Variants in SEMA3C observed in about 807,000 individuals in gnomAD.
The protein encoded by SEMA3C is semaphorin-3C.
In SEMA3C, 47 loss-of-function variants were observed where a neutral mutation model predicts 89.4. The observed-to-expected ratio is 0.53, with a 90% CI of 0.42 to 0.67. SEMA3C has a LOEUF of 0.67. Among genes scored for constraint, SEMA3C ranks in the 30% least tolerant of loss-of-function variants. The pLI is 0.00. For missense variants in SEMA3C, 839 were observed against 929.1 expected, an observed-to-expected ratio of 0.90 and a Z score of 1.26; for synonymous variants, 310 against 320.2, an observed-to-expected ratio of 0.97 and a Z score of 0.34.
At chr7:80,807,397 CATCTAATTGGCTTCATTTCCT>C (rs1174800299) in intron 6 of SEMA3C, among the ~76,000 whole-genome samples, 2 of 152,176 alleles carry the variant, frequency 1.3e-5, no homozygotes, top group African/African-American at 4.8e-5. Context: ...TAAGCCTGCA[CATCTAATTGGCTTCATTTCCT>C]ATCTTAAATT....
chr7:80,843,190 T>C (rs915350875), intron 2 of SEMA3C, among the ~76,000 whole-genome samples: 78 of 152,256 alleles, frequency 5.1e-4, no homozygotes, highest in African/African-American at 1.7e-3. Flanking sequence ...TCAAAGTAGC[T>C]AGAAGAGAGG....
At chr7:80,869,479 C>G (rs991129794) in intron 2 of SEMA3C, among the ~76,000 whole-genome samples, 1 of 152,056 alleles carries the variant, frequency 6.6e-6, no homozygotes, top group Admixed American at 6.6e-5. Context: ...GTTTGTCTAC[C>G]CAACCCCATT....
intron 2 of SEMA3C, among the ~76,000 whole-genome samples, chr7:80,843,873 C>A (rs1221611670): frequency 1.3e-5 from 2 of 152,052 alleles, no homozygotes; most frequent in Non-Finnish European, 2.9e-5. Context: ...TTACTCTTTA[C>A]CCAGTCTGCC....
chr7:80,882,412 CTTTTTTT>C (rs763742493), intron 2 of SEMA3C, among the ~76,000 whole-genome samples: 8 of 46,662 alleles, frequency 1.7e-4, no homozygotes, highest in East Asian at 7.8e-4. Context: ...GTAAGGGATG[CTTTTTTT>C]TTTTTTTTTT....
In SEMA3C at chr7:80,858,841, G is replaced by C. The variant is rs139816514; in HGVS notation, c.104-30096C>G. Among the ~76,000 whole-genome samples, 338 of 152,238 alleles carry C rather than the reference G, an allele frequency of 2.2e-3. 1 individual carries two copies. Among genetic ancestry groups the C allele is most frequent in the African/African-American group, 7.6e-3 (315 of 41,536 alleles). Reference sequence around the variant, plus strand: ...CTAGTTCCCACTTTAAATAGAGCAAGTATGAATTCGAGGTAATTCTCCATA... The same window carrying C: ...CTAGTTCCCACTTTAAATAGAGCAACTATGAATTCGAGGTAATTCTCCATA... On this transcript the variant is annotated intron_variant, in intron 2 of 17. Coordinates refer to ENST00000265361, the MANE Select transcript of SEMA3C (RefSeq NM_006379.5).
chr7:80,799,956 C>A (rs1418186839), intron 10 of SEMA3C, among the ~76,000 whole-genome samples: 9 of 151,560 alleles, frequency 5.9e-5, no homozygotes, highest in Admixed American at 5.9e-4. Flanking sequence ...TCAAGACCAT[C>A]CTGCCTTGAA....
Position 80,918,841 on chromosome 7 carries a change from A to T in SEMA3C, c.-52T>A. 1 of 985,468 alleles carries T rather than the reference A, an allele frequency of 1.0e-6. No individual in the cohort carries two copies. Among genetic ancestry groups the T allele is most frequent in the Non-Finnish European group, 1.2e-6 (1 of 829,936 alleles). The allele number at this position is 985,468 out of a possible 1,614,324, so 61.0% of individuals were successfully genotyped here. On this transcript the variant is annotated 5_prime_UTR_variant, in exon 1 of 18. Coordinates refer to ENST00000265361, the MANE Select transcript of SEMA3C (RefSeq NM_006379.5). The stretch of plus-strand genomic sequence containing the variant: ...AATTTAGCTTACCGAGGTTGAAAGA[A>T]ATCAGCACGGAAAAGTCATCAGTTT...
chr7:80,906,460 C>T (rs935999555), intron 2 of SEMA3C, among the ~76,000 whole-genome samples: 3 of 152,108 alleles, frequency 2.0e-5, no homozygotes, highest in Non-Finnish European at 2.9e-5. Context: ...TCCATCAGCA[C>T]CTGGGCTCTG....
chr7:80,872,499 T>A (rs1400404074), intron 2 of SEMA3C, among the ~76,000 whole-genome samples: 1 of 152,074 alleles, frequency 6.6e-6, no homozygotes, highest in Non-Finnish European at 1.5e-5. Context: ...ATGTCTGTTT[T>A]AATAGAAGAT....
chr7:80,792,365 C>A (rs1245053309), intron 11 of SEMA3C, among the ~76,000 whole-genome samples: 2 of 152,166 alleles, frequency 1.3e-5, no homozygotes, highest in Non-Finnish European at 2.9e-5. Flanking sequence ...TTAAATAGTT[C>A]CAGAACTTTA....
Position 80,777,232 on chromosome 7 carries a change from T to C in SEMA3C, c.1355-11989A>G, listed in dbSNP as rs140987372. 4.1e-3 allele frequency among the ~76,000 whole-genome samples: 625 copies of C among 152,260 alleles called. 2 individuals carry two copies. The highest frequency in any genetic ancestry group is 7.1e-3 in the Non-Finnish European group (484 of 68,014). On this transcript the variant is annotated intron_variant, in intron 12 of 17. Coordinates refer to ENST00000265361, the MANE Select transcript of SEMA3C (RefSeq NM_006379.5). ...CAGGATTTAAACTTGAATGCTAAAA[T>C]ATATTCCCTAACCTTTCATCCAGGA...
intron 4 of SEMA3C, among the ~76,000 whole-genome samples, chr7:80,826,911 A>T (rs1011956957): frequency 2.6e-5 from 4 of 152,168 alleles, no homozygotes; most frequent in African/African-American, 9.6e-5. Flanking sequence ...CAGGTATTGC[A>T]TACTGAACAT....
intron 2 of SEMA3C, among the ~76,000 whole-genome samples, chr7:80,846,405 G>A (rs1393572003): frequency 6.6e-6 from 1 of 152,114 alleles, no homozygotes; most frequent in Admixed American, 6.6e-5. Context: ...CACCCAGGCT[G>A]GAATGCAGTT....
At chr7:80,817,336 A>T (rs1789632116) in intron 5 of SEMA3C, among the ~76,000 whole-genome samples, 1 of 152,196 alleles carries the variant, frequency 6.6e-6, no homozygotes, top group Non-Finnish European at 1.5e-5. Context: ...GCTTTAGATC[A>T]GTAGACATAT....
At chr7:80,789,077 T>G (rs1583878675) in intron 12 of SEMA3C, among the ~76,000 whole-genome samples, 1 of 152,032 alleles carries the variant, frequency 6.6e-6, no homozygotes, top group Non-Finnish European at 1.5e-5. Context: ...TATTATATAA[T>G]GTATATATCT....
At chr7:80,836,290 T>C (rs951009891) in intron 2 of SEMA3C, among the ~76,000 whole-genome samples, 8 of 152,286 alleles carry the variant, frequency 5.3e-5, no homozygotes, top group African/African-American at 1.7e-4. Context: ...TTTTCTTTGC[T>C]TTTTGACAGG....
intron 2 of SEMA3C, among the ~76,000 whole-genome samples, chr7:80,896,913 C>T (rs1791750944): frequency 6.6e-6 from 1 of 152,168 alleles, no homozygotes; most frequent in Non-Finnish European, 1.5e-5. Flanking sequence ...AATTTCTTCA[C>T]CCTCTCCTGA....
At chr7:80,827,682 C>T (rs922571297) in intron 3 of SEMA3C, among the ~76,000 whole-genome samples, 195 bp from the exon 4 acceptor site, 8 of 151,942 alleles carry the variant, frequency 5.3e-5, no homozygotes, top group African/African-American at 1.9e-4. Flanking sequence ...TTTCTTCCAA[C>T]AGTGTTTCCT....
intron 2 of SEMA3C, among the ~76,000 whole-genome samples, chr7:80,916,429 G>C (rs1029164926): frequency 6.6e-6 from 1 of 152,162 alleles, no homozygotes; most frequent in Non-Finnish European, 1.5e-5. Flanking sequence ...ACACAGGCAA[G>C]CACAGAAGAA....
Sources: gnomAD v4.1 joint callset for allele counts (sites outside exome capture counted in the v4.1 genomes callset) on GRCh38, gnomAD v4.1.1 for gene constraint, MANE v1.5 for transcripts, NCBI Gene and HGNC (gene_info 2026-07-23, HGNC 2026-07-21) for gene names.